KCNT2: variants seen among roughly 807,000 people sequenced by gnomAD.
KCNT2 encodes the protein potassium sodium-activated channel subfamily T member 2, also known as potassium channel subfamily T member 2.
In KCNT2, 67 loss-of-function variants were observed where a neutral mutation model predicts 153.8. That is an observed-to-expected ratio of 0.44 (90% confidence interval 0.36 to 0.53). The LOEUF (loss-of-function observed/expected upper bound fraction) is 0.53. Ranked by LOEUF, KCNT2 falls within the 20% of genes least tolerant of loss-of-function variation. The probability of loss-of-function intolerance (pLI) is 0.00; values close to 1 mark genes in which losing one functional copy is unlikely to be tolerated. For synonymous variants in KCNT2, 500 were observed against 458.8 expected, an observed-to-expected ratio of 1.09 and a Z score of -1.15; for missense variants, 975 against 1,354.8, an observed-to-expected ratio of 0.72 and a Z score of 4.40.
At chr1:196,444,177 C>T (rs1675486423) in intron 8 of KCNT2, among the ~76,000 whole-genome samples, 1 of 151,054 alleles carries the variant, frequency 6.6e-6, no homozygotes, top group African/African-American at 2.4e-5. Context: ...CACATGACCA[C>T]ATGCATGTTC....
rs908246178 is a variant in KCNT2, at chr1:196,258,083, A to T, written c.3211+111T>A. The T allele has an allele frequency of 2.7e-6, 4 of 1,461,408 alleles. No homozygotes were observed. In the African/African-American group the frequency reaches 5.7e-5, roughly 21 times the overall value. The allele number at this position is 1,461,408 out of a possible 1,614,324, so 90.5% of individuals were successfully genotyped here. On this transcript the variant is annotated intron_variant, in intron 26 of 27. Coordinates refer to ENST00000294725, the MANE Select transcript of KCNT2 (RefSeq NM_198503.5). ...TCAGATGTATCACTAGTTTCTACTA[A>T]TTGACCTGTGAAGCAAAAATTCAAT...
intron 25 of KCNT2, among the ~76,000 whole-genome samples, chr1:196,262,247 A>G (rs573680967): frequency 3.3e-5 from 5 of 151,912 alleles, no homozygotes; most frequent in Admixed American, 6.6e-5. Flanking sequence ...TTTTTTACTG[A>G]ACAATTATTC....
intron 1 of KCNT2, among the ~76,000 whole-genome samples, chr1:196,543,513 TA>T (rs967776972): frequency 6.9e-4 from 105 of 152,164 alleles, no homozygotes; most frequent in African/African-American, 2.4e-3. Flanking sequence ...TCTTGGGAAA[TA>T]AAATAAGTCC....
At chr1:196,523,371 G>A (rs1026958670) in intron 1 of KCNT2, among the ~76,000 whole-genome samples, 1 of 152,158 alleles carries the variant, frequency 6.6e-6, no homozygotes, top group African/African-American at 2.4e-5. Context: ...GAACCCACTG[G>A]AAGGAACCAA....
intron 12 of KCNT2, among the ~76,000 whole-genome samples, chr1:196,406,816 C>T (rs934335010): frequency 3.0e-4 from 46 of 151,284 alleles, no homozygotes; most frequent in Admixed American, 3.0e-3. Context: ...TTTTGATTCC[C>T]ACTCTCGTGG....
intron 17 of KCNT2, among the ~76,000 whole-genome samples, chr1:196,331,648 A>G (rs929691174): frequency 2.0e-5 from 3 of 152,082 alleles, no homozygotes; most frequent in African/African-American, 7.2e-5. Flanking sequence ...AGTAGTTGCA[A>G]CAGGGGTCAA....
At chr1:196,382,812 G>GAAAAAAAC (rs1553307898) in intron 13 of KCNT2, among the ~76,000 whole-genome samples, 1 of 151,418 alleles carries the variant, frequency 6.6e-6, no homozygotes, top group Non-Finnish European at 1.5e-5. Flanking sequence ...TTGATTAAAA[G>GAAAAAAAC]AAAAAAACAA....
chr1:196,566,972 A>T (rs1268052998), intron 1 of KCNT2, among the ~76,000 whole-genome samples: 4 of 152,150 alleles, frequency 2.6e-5, no homozygotes, highest in Non-Finnish European at 4.4e-5. Context: ...CAACAAATAC[A>T]AACAAGATCT....
intron 14 of KCNT2, among the ~76,000 whole-genome samples, chr1:196,367,611 A>G (rs1668153656): frequency 6.6e-6 from 1 of 152,206 alleles, no homozygotes; most frequent in Non-Finnish European, 1.5e-5. Flanking sequence ...TCCTTTATGC[A>G]AAATATGAAA....
chr1:196,547,261 T>C (rs1356948233), intron 1 of KCNT2, among the ~76,000 whole-genome samples: 1 of 151,910 alleles, frequency 6.6e-6, no homozygotes, highest in Non-Finnish European at 1.5e-5. Flanking sequence ...AGTGAGACAA[T>C]TATACCCCTA....
intron 13 of KCNT2, among the ~76,000 whole-genome samples, chr1:196,392,426 T>C (rs966032190): frequency 7.9e-5 from 12 of 151,422 alleles, no homozygotes; most frequent in African/African-American, 2.2e-4. Flanking sequence ...TTTGAAAATA[T>C]AACAACTCTA....
intron 14 of KCNT2, among the ~76,000 whole-genome samples, chr1:196,368,944 G>A (rs1423727729): frequency 6.6e-6 from 1 of 152,060 alleles, no homozygotes; most frequent in Non-Finnish European, 1.5e-5. Flanking sequence ...CTACTGTCCA[G>A]TGTCAATAAG....
chr1:196,301,803 A>G (rs1661207222), intron 22 of KCNT2, among the ~76,000 whole-genome samples: 1 of 152,144 alleles, frequency 6.6e-6, no homozygotes, highest in East Asian at 1.9e-4. Flanking sequence ...GCAATGGCAC[A>G]ATCTTGGCTC....
intron 20 of KCNT2, chr1:196,317,201 A>G (rs2148026016): frequency 6.7e-6 from 3 of 450,024 alleles, no homozygotes; most frequent in Non-Finnish European, 1.3e-5. Context: ...GATCCCCAGG[A>G]GTAGTCCAGA....
At chr1:196,349,619 A>G (rs2148204703) in intron 14 of KCNT2, among the ~76,000 whole-genome samples, 1 of 152,214 alleles carries the variant, frequency 6.6e-6, no homozygotes, top group Middle Eastern at 3.4e-3. Flanking sequence ...TAGCTTCTTC[A>G]GCTGCCTCAC....
At chr1:196,393,367 T>A (rs1352979717) in intron 13 of KCNT2, among the ~76,000 whole-genome samples, 1 of 151,502 alleles carries the variant, frequency 6.6e-6, no homozygotes. Context: ...ATAGAGATAT[T>A]GTGTTTATCT....
At chr1:196,395,473 CT>C (rs1670857222) in intron 13 of KCNT2, among the ~76,000 whole-genome samples, 1 of 151,592 alleles carries the variant, frequency 6.6e-6, no homozygotes, top group South Asian at 2.1e-4. Context: ...ATACCAGTTG[CT>C]TAAAATAGCA....
Position 196,423,082 on chromosome 1 carries a change from T to C in KCNT2, c.1153A>G (p.Ser385Gly). ...MDDAEACFIL[S>G]SRCEVDRTSS... ...GTCCTATCCACTTCACAACGGCTACTGAGAATAAAACAGGCCTCAGCGTCA... is the reference window on the plus strand; with the variant it reads ...GTCCTATCCACTTCACAACGGCTACCGAGAATAAAACAGGCCTCAGCGTCA... Residue 385 changes from serine (S) to glycine (G), a missense_variant, in exon 12 of 28, where the codon AGT becomes GGT. Physicochemically the swap from Ser to Gly is moderately conservative, Grantham distance 56. Transcript: ENST00000294725. 1.2e-6 allele frequency: 2 copies of C among 1,605,380 alleles called. No individual in the cohort carries two copies. The highest frequency in any genetic ancestry group is 2.3e-5 in the East Asian group (1 of 44,398).
intron 14 of KCNT2, among the ~76,000 whole-genome samples, chr1:196,350,168 C>T (rs542380438): frequency 1.4e-4 from 22 of 152,158 alleles, no homozygotes; most frequent in African/African-American, 2.7e-4. Flanking sequence ...AATAAACATA[C>T]GTGTGCATGT....
Sources: gnomAD v4.1 joint callset for allele counts (sites outside exome capture counted in the v4.1 genomes callset) on GRCh38, gnomAD v4.1.1 for gene constraint, MANE v1.5 for transcripts, NCBI Gene and HGNC (gene_info 2026-07-23, HGNC 2026-07-21) for gene names.